TMEM132D: variants seen among roughly 807,000 people sequenced by gnomAD.
The protein encoded by TMEM132D is transmembrane protein 132D, also known as mature OL transmembrane protein.
In TMEM132D, 21 loss-of-function variants were observed where a neutral mutation model predicts 62.3. The observed-to-expected ratio is 0.34, with a 90% confidence interval of 0.24 to 0.49. TMEM132D has a LOEUF of 0.49. Among genes scored for constraint, TMEM132D ranks in the 20% least tolerant of loss-of-function variants. TMEM132D has a pLI of 0.99. For missense variants in TMEM132D, 1,346 were observed against 1,402.8 expected (o/e 0.96, Z 0.65); for synonymous variants, 621 against 575.6 (o/e 1.08, Z -1.13).
chr12:129,782,334 C>T (rs1388450335), intron 1 of TMEM132D, among the ~76,000 whole-genome samples: 1 of 152,116 alleles, frequency 6.6e-6, no homozygotes. Flanking sequence ...AGACCATGGG[C>T]TCTGGAATTG....
chr12:129,859,984 T>C (rs920493166), intron 1 of TMEM132D, among the ~76,000 whole-genome samples: 1 of 152,226 alleles, frequency 6.6e-6, no homozygotes, highest in Admixed American at 6.5e-5. Flanking sequence ...TCTCCCCTGT[T>C]AGTTCTGTCC....
chr12:129,433,172 C>A (rs61943126), intron 3 of TMEM132D, among the ~76,000 whole-genome samples: 15,507 of 152,186 alleles, frequency 0.1, 1,092 homozygotes, highest in Non-Finnish European at 0.16. Flanking sequence ...ATGGACTTTA[C>A]GTTGTTTCCA....
At chr12:129,446,531 A>T (rs1873102349) in intron 3 of TMEM132D, among the ~76,000 whole-genome samples, 1 of 152,218 alleles carries the variant, frequency 6.6e-6, no homozygotes, top group South Asian at 2.1e-4. Flanking sequence ...CCTTACACAC[A>T]TAACCCATGT....
At chr12:129,562,763 C>T (rs1422144284) in intron 2 of TMEM132D, among the ~76,000 whole-genome samples, 3 of 152,194 alleles carry the variant, frequency 2.0e-5, no homozygotes, top group Non-Finnish European at 2.9e-5. Context: ...TTAAAGGGCC[C>T]TTGCTCATGC....
chr12:129,546,860 T>A (rs1876752915), intron 2 of TMEM132D, among the ~76,000 whole-genome samples: 1 of 151,816 alleles, frequency 6.6e-6, no homozygotes, highest in African/African-American at 2.4e-5. Flanking sequence ...GTAAGGAGAA[T>A]TTTGGAGACT....
At chr12:129,721,598 T>C (rs989150764) in intron 1 of TMEM132D, among the ~76,000 whole-genome samples, 1 of 152,122 alleles carries the variant, frequency 6.6e-6, no homozygotes, top group Non-Finnish European at 1.5e-5. Flanking sequence ...GTCCTCTCCC[T>C]GAGCCTTCCC....
At chr12:129,278,597 T>C (rs2135607205) in intron 4 of TMEM132D, among the ~76,000 whole-genome samples, 1 of 152,304 alleles carries the variant, frequency 6.6e-6, no homozygotes, top group African/African-American at 2.4e-5. Flanking sequence ...TGAATTCCTC[T>C]TTAGGAAACA....
intron 2 of TMEM132D, among the ~76,000 whole-genome samples, chr12:129,693,045 A>T (rs1034554356): frequency 1.3e-5 from 2 of 152,212 alleles, no homozygotes; most frequent in South Asian, 2.1e-4. Flanking sequence ...AGTTTTGATA[A>T]AGAAAAAACT....
rs116335719 is a variant in TMEM132D, at chr12:129,327,302, G to A, written c.1299+10332C>T. Among the ~76,000 whole-genome samples the A allele has an allele frequency of 2.9e-3, 449 of 152,306 alleles. 1 individual carries two copies. Among genetic ancestry groups the A allele is most frequent in the African/African-American group, 0.01 (420 of 41,560 alleles). On this transcript the variant is annotated intron_variant, in intron 4 of 8. Transcript: ENST00000422113. ...GAACAACAGACAGTGGGTCCGCATG[G>A]CAAGTGGAGAGTATACCAACCACCA...
intron 3 of TMEM132D, among the ~76,000 whole-genome samples, chr12:129,530,811 T>C (rs1190062089): frequency 6.6e-6 from 1 of 152,140 alleles, no homozygotes; most frequent in African/African-American, 2.4e-5. Context: ...CAATTCCATC[T>C]GCATGGTGCA....
intron 2 of TMEM132D, among the ~76,000 whole-genome samples, chr12:129,543,260 T>C (rs1440395842): frequency 1.3e-5 from 1 of 76,662 alleles, no homozygotes; most frequent in South Asian, 5.4e-4. Context: ...GGTGGGTGGA[T>C]GGATGGATGA....
chr12:129,571,580 AT>A (rs776627660), intron 2 of TMEM132D, among the ~76,000 whole-genome samples: 42 of 151,784 alleles, frequency 2.8e-4, no homozygotes, highest in African/African-American at 5.3e-4. Context: ...CTCAAAAAAA[AT>A]AATAATAATA....
chr12:129,860,461 A>G (rs890734285), intron 1 of TMEM132D, among the ~76,000 whole-genome samples: 6 of 152,244 alleles, frequency 3.9e-5, no homozygotes, highest in African/African-American at 1.4e-4. Flanking sequence ...GAAATCCTCA[A>G]AGGGGACTGT....
chr12:129,539,636 T>A (rs528095504), intron 2 of TMEM132D, among the ~76,000 whole-genome samples: 12 of 151,358 alleles, frequency 7.9e-5, no homozygotes, highest in Admixed American at 7.9e-4. Flanking sequence ...GATTTCAAAC[T>A]CCTGGGCTCA....
chr12:129,801,090 A>G (rs915038699), intron 1 of TMEM132D, among the ~76,000 whole-genome samples: 9 of 152,308 alleles, frequency 5.9e-5, no homozygotes, highest in Admixed American at 2.6e-4. Flanking sequence ...CCTGATGGCT[A>G]GCACAGCAGT....
At chr12:129,115,434 G>C (rs894578379) in intron 5 of TMEM132D, among the ~76,000 whole-genome samples, 2 of 152,146 alleles carry the variant, frequency 1.3e-5, no homozygotes, top group Non-Finnish European at 2.9e-5. Context: ...GAACTAGAAG[G>C]CTGTGGATAT....
intron 1 of TMEM132D, among the ~76,000 whole-genome samples, chr12:129,792,646 C>T (rs1871433959): frequency 6.6e-6 from 1 of 152,176 alleles, no homozygotes; most frequent in African/African-American, 2.4e-5. Flanking sequence ...CAAATAATAT[C>T]TCCGATACAT....
chr12:129,401,117 A>C (rs1230451446), intron 3 of TMEM132D, among the ~76,000 whole-genome samples: 2 of 152,188 alleles, frequency 1.3e-5, no homozygotes, highest in East Asian at 1.9e-4. Flanking sequence ...CTGCAGAATT[A>C]AAGCATGTCA....
chr12:129,743,605 A>C (rs1006186105), intron 1 of TMEM132D, among the ~76,000 whole-genome samples: 2 of 149,614 alleles, frequency 1.3e-5, no homozygotes, highest in African/African-American at 4.8e-5. Flanking sequence ...GAATGGACTA[A>C]TGCATCCCCC....
Sources: allele counts gnomAD v4.1 joint callset (sites outside exome capture counted in the v4.1 genomes callset), GRCh38; gene constraint gnomAD v4.1.1; transcripts MANE v1.5; gene names NCBI Gene and HGNC (gene_info 2026-07-23, HGNC 2026-07-21).